The following ANKRD17 variants were observed in gnomAD, a reference collection of about 807,000 sequenced individuals.
ANKRD17 encodes the protein ankyrin repeat domain 17.
Under a neutral mutation model 229.7 loss-of-function variants are expected in ANKRD17, and 19 were observed. The observed-to-expected ratio is 0.08, with a 90% CI of 0.06 to 0.12. The LOEUF (loss-of-function observed/expected upper bound fraction) is 0.12, where lower values mean the gene tolerates loss of function less well. Among genes scored for constraint, ANKRD17 ranks in the 10% least tolerant of loss-of-function variants. The pLI, the probability that ANKRD17 is intolerant of heterozygous loss-of-function variation, is 1.00. For synonymous variants in ANKRD17, 1,112 were observed against 1,146.1 expected (o/e 0.97, Z 0.60); for missense variants, 2,176 against 3,176.8 (o/e 0.68, Z 7.57).
At chr4:73,142,791 A>G (rs991454996) in intron 11 of ANKRD17, 24 bp from the exon 12 acceptor site, 4 of 1,591,006 alleles carry the variant, frequency 2.5e-6, no homozygotes, top group Non-Finnish European at 3.4e-6. Context: ...GGCATGGAAA[A>G]TCATATTAGT....
At chr4:73,120,851 T>C in intron 20 of ANKRD17, 30 bp downstream of exon 20, 2 of 1,588,496 alleles carry the variant, frequency 1.3e-6, no homozygotes, top group Non-Finnish European at 8.6e-7. Flanking sequence ...AAGCAATAAA[T>C]TCATGTGTAA....
chr4:73,171,748 T>C (rs749287120), intron 2 of ANKRD17, among the ~76,000 whole-genome samples: 23 of 152,060 alleles, frequency 1.5e-4, no homozygotes, highest in Non-Finnish European at 2.8e-4. Flanking sequence ...AGCAGCAATA[T>C]TGGAGCTGAA....
intron 2 of ANKRD17, among the ~76,000 whole-genome samples, chr4:73,167,595 C>T (rs1042349418): frequency 7.9e-5 from 12 of 152,138 alleles, no homozygotes; most frequent in Non-Finnish European, 8.8e-5. Context: ...TCAGGAGAAA[C>T]ATTCCCTGCT....
chr4:73,111,198 A>G (rs1196942168), intron 24 of ANKRD17, among the ~76,000 whole-genome samples: 1 of 152,204 alleles, frequency 6.6e-6, no homozygotes, highest in Non-Finnish European at 1.5e-5. Flanking sequence ...TTAATTTATA[A>G]ATTAGGCACA....
chr4:73,187,854 C>A (rs1369374638), intron 1 of ANKRD17, among the ~76,000 whole-genome samples: 1 of 152,042 alleles, frequency 6.6e-6, no homozygotes, highest in East Asian at 1.9e-4. Context: ...GAAATAATGC[C>A]AAAAGCCTAT....
intron 1 of ANKRD17, among the ~76,000 whole-genome samples, chr4:73,229,565 CACATAAATTCTCCA>C (rs1190380409): frequency 1.3e-5 from 2 of 150,960 alleles, no homozygotes; most frequent in East Asian, 3.9e-4. Flanking sequence ...TCAAAAAAAA[CACATAAATTCTCCA>C]ACAAATTAAG....
chr4:73,125,279 C>A lies in ANKRD17; in HGVS notation c.3268G>T (p.Ala1090Ser). The A allele has an allele frequency of 6.2e-7, 1 of 1,613,728 alleles. No homozygotes were observed. Among genetic ancestry groups the A allele is most frequent in the Non-Finnish European group, 8.5e-7 (1 of 1,179,870 alleles). Residue 1090 changes from alanine (A) to serine (S), a missense_variant, in exon 17 of 34, where the codon GCC (alanine) becomes TCC (serine). Transcript: ENST00000358602. ...AGTTCCTCGTGGCCACCAGCACAGG[C>A]AAGTGTTAGTGCCGTGTCATGATTA... ...ESNHDTALTL[A>S]CAGGHEELVQ...
intron 22 of ANKRD17, 121 bp downstream of exon 22, chr4:73,118,567 C>G: frequency 9.3e-7 from 1 of 1,072,792 alleles, no homozygotes; most frequent in Non-Finnish European, 1.4e-6. Flanking sequence ...TAATTATTTG[C>G]ATATTATTGC....
At chr4:73,149,236 A>C (rs1381019529) in intron 7 of ANKRD17, among the ~76,000 whole-genome samples, 186 bp from the exon 8 acceptor site, 1 of 152,182 alleles carries the variant, frequency 6.6e-6, no homozygotes, top group African/African-American at 2.4e-5. Context: ...AACATAGAAG[A>C]GGGAAATAGA....
At chr4:73,144,661 C>G (rs1386827315) in intron 11 of ANKRD17, 84 bp downstream of exon 11, 1 of 882,926 alleles carries the variant, frequency 1.1e-6, no homozygotes. Context: ...CTCTTGCCTT[C>G]AAAAGACCTT....
intron 1 of ANKRD17, among the ~76,000 whole-genome samples, chr4:73,230,095 A>C (rs927658796): frequency 6.6e-6 from 1 of 152,142 alleles, no homozygotes; most frequent in Non-Finnish European, 1.5e-5. Flanking sequence ...ATTTAAAAAT[A>C]AGAATGATTA....
At chr4:73,195,957 G>A (rs1308166435) in intron 1 of ANKRD17, among the ~76,000 whole-genome samples, 2 of 150,418 alleles carry the variant, frequency 1.3e-5, no homozygotes, top group Non-Finnish European at 3.0e-5. Flanking sequence ...CTGTTAGTAT[G>A]ATTAGAGCTT....
chr4:73,133,863 G>T (rs962485205), intron 16 of ANKRD17, among the ~76,000 whole-genome samples: 2 of 152,142 alleles, frequency 1.3e-5, no homozygotes. Context: ...TGGTGTCTTT[G>T]AAGTCATGCT....
intron 16 of ANKRD17, among the ~76,000 whole-genome samples, chr4:73,134,637 T>C (rs1728657947): frequency 6.6e-6 from 1 of 152,166 alleles, no homozygotes; most frequent in African/African-American, 2.4e-5. Context: ...TACAGCTAAA[T>C]TTTACAAATA....
intron 16 of ANKRD17, among the ~76,000 whole-genome samples, chr4:73,132,646 T>C (rs1199655909): frequency 1.3e-5 from 2 of 152,186 alleles, no homozygotes; most frequent in African/African-American, 4.8e-5. Flanking sequence ...CAAATTTTTC[T>C]ATAAAAGCAT....
intron 1 of ANKRD17, among the ~76,000 whole-genome samples, chr4:73,181,806 G>A (rs1027128637): frequency 2.6e-5 from 4 of 151,934 alleles, no homozygotes; most frequent in Non-Finnish European, 5.9e-5. Context: ...CCAGCACTTT[G>A]GGAGGCCGAG....
chr4:73,256,185 G>A (rs564854165), intron 1 of ANKRD17, among the ~76,000 whole-genome samples: 1 of 152,218 alleles, frequency 6.6e-6, no homozygotes, highest in African/African-American at 2.4e-5. Context: ...TATTACAAAA[G>A]GAAAACAAAC....
At chr4:73,197,541 C>T (rs188956990) in intron 1 of ANKRD17, among the ~76,000 whole-genome samples, 3 of 152,296 alleles carry the variant, frequency 2.0e-5, no homozygotes, top group East Asian at 1.9e-4. Flanking sequence ...GTAAAAAGCA[C>T]TTTCAAGGCC....
intron 1 of ANKRD17, among the ~76,000 whole-genome samples, chr4:73,236,143 T>A (rs1051903510): frequency 6.6e-6 from 1 of 152,136 alleles, no homozygotes; most frequent in African/African-American, 2.4e-5. Flanking sequence ...AACTCCTCAA[T>A]GGATAAAAAA....
Sources: gnomAD v4.1 joint callset for allele counts (sites outside exome capture counted in the v4.1 genomes callset) on GRCh38, gnomAD v4.1.1 for gene constraint, MANE v1.5 for transcripts, NCBI Gene and HGNC (gene_info 2026-07-23, HGNC 2026-07-21) for gene names.